SLC9A1: variants seen among roughly 807,000 people sequenced by gnomAD.
SLC9A1 encodes the protein solute carrier family 9 member A1.
Under a neutral mutation model 67.9 loss-of-function variants are expected in SLC9A1, and 22 were observed. The observed-to-expected ratio is 0.32, with a 90% CI of 0.23 to 0.46. The LOEUF is 0.46. Among genes scored for constraint, SLC9A1 ranks in the 20% least tolerant of loss-of-function variants. The probability of loss-of-function intolerance (pLI) is 1.00; values close to 1 mark genes in which losing one functional copy is unlikely to be tolerated. For synonymous variants in SLC9A1, 421 were observed against 471.8 expected, an observed-to-expected ratio of 0.89 and a Z score of 1.40; for missense variants, 686 against 1,094.8, an observed-to-expected ratio of 0.63 and a Z score of 5.27.
chr1:27,138,611 G>A (rs1179424361), intron 1 of SLC9A1, among the ~76,000 whole-genome samples: 1 of 152,124 alleles, frequency 6.6e-6, no homozygotes, highest in African/African-American at 2.4e-5. Flanking sequence ...TCTAGGGCCT[G>A]AAGGAGAGCA....
At chr1:27,120,064 C>T (rs994798581) in intron 1 of SLC9A1, among the ~76,000 whole-genome samples, 1 of 151,546 alleles carries the variant, frequency 6.6e-6, no homozygotes, top group Non-Finnish European at 1.5e-5. Context: ...GAGCAAGACT[C>T]CACCTCAAAA....
rs2083143765 is a variant in SLC9A1, at chr1:27,101,407, G to A, written c.2038-132C>T. On this transcript the variant is annotated intron_variant, in intron 10 of 11. Coordinates refer to ENST00000263980, the MANE Select transcript of SLC9A1 (RefSeq NM_003047.5). This position sits in a 1 kb window ranked among gnomAD's most constrained non-coding sequence, Gnocchi z 4.9. ...TGCTCCCCCTCCCTTGTGCCTGTGT[G>A]GGCACCCGTACTGGCCCCTCAGGAG... The A allele has an allele frequency of 4.2e-6, 3 of 712,882 alleles. No homozygotes were observed. Among genetic ancestry groups the A allele is most frequent in the Non-Finnish European group, 7.3e-6 (3 of 412,492 alleles). The allele number at this position is 712,882 out of a possible 1,614,324, so 44.2% of individuals were successfully genotyped here. A position where few individuals can be genotyped will look rare whatever the true frequency, so the allele number is the denominator to read the frequency against.
rs1438657483 is a variant in SLC9A1, at chr1:27,137,879, C to A, written c.352+16104G>T. Among the ~76,000 whole-genome samples the A allele has an allele frequency of 6.6e-6, 1 of 152,208 alleles. No individual in the cohort carries two copies. The highest frequency in any genetic ancestry group is 1.5e-5 in the Non-Finnish European group (1 of 68,032). ...TGACTCCACGCCCACTCTGCTCCAG[C>A]GTCCTGCTCGCCCCTCCCTGCTAGC... On this transcript the variant is annotated intron_variant, in intron 1 of 11. Transcript: ENST00000263980. This position sits in a 1 kb window ranked among gnomAD's most constrained non-coding sequence, Gnocchi z 4.6.
rs1017720574 is a variant in SLC9A1, at chr1:27,101,313, G to A, written c.2038-38C>T. The A allele has an allele frequency of 4.5e-6, 7 of 1,550,522 alleles. No homozygotes were observed. Among genetic ancestry groups the A allele is most frequent in the Non-Finnish European group, 5.3e-6 (6 of 1,126,446 alleles). The stretch of plus-strand genomic sequence containing the variant: ...ACAGACGGGGTGAGCACAGGCAGCT[G>A]GGCAGAGGGAGCCCCTCAGGACAGA... On this transcript the variant is annotated intron_variant, in intron 10 of 11. Transcript: ENST00000263980. This position sits in a 1 kb window ranked among gnomAD's most constrained non-coding sequence, Gnocchi z 4.9.
chr1:27,127,605 A>G (rs2083354416), intron 1 of SLC9A1, among the ~76,000 whole-genome samples: 1 of 152,220 alleles, frequency 6.6e-6, no homozygotes, highest in Non-Finnish European at 1.5e-5. Flanking sequence ...AGGCAGAGCC[A>G]CTGGAGGGCT....
chr1:27,114,581 A>T lies in SLC9A1; in HGVS notation c.353-295T>A, dbSNP rs2083253251. ...CTGTCATAAAATGTTAGAAAGCAGC[A>T]GTTCTATATGCTTCCAGAAGGCAGA... On this transcript the variant is annotated intron_variant, in intron 1 of 11. Coordinates refer to ENST00000263980, the MANE Select transcript of SLC9A1 (RefSeq NM_003047.5). The surrounding 1 kb of genome is among the most constrained non-coding windows in gnomAD (Gnocchi z 5.4). 6.6e-6 allele frequency among the ~76,000 whole-genome samples: 1 copy of T among 152,250 alleles called. No individual in the cohort carries two copies. The highest frequency in any genetic ancestry group is 1.5e-5 in the Non-Finnish European group (1 of 68,050).
intron 1 of SLC9A1, among the ~76,000 whole-genome samples, chr1:27,126,399 C>T (rs1420440366): frequency 2.0e-5 from 3 of 152,154 alleles, no homozygotes; most frequent in Non-Finnish European, 4.4e-5. Flanking sequence ...CATGAGACCA[C>T]AAACACAAAA....
intron 1 of SLC9A1, among the ~76,000 whole-genome samples, chr1:27,143,494 A>G (rs114589657): frequency 0.025 from 3,775 of 152,256 alleles, 157 homozygotes; most frequent in African/African-American, 0.084. Flanking sequence ...CGTGATCTGT[A>G]CTTGTACAAA....
At chr1:27,136,770 T>A (rs1308241287) in intron 1 of SLC9A1, among the ~76,000 whole-genome samples, 1 of 152,152 alleles carries the variant, frequency 6.6e-6, no homozygotes, top group African/African-American at 2.4e-5. Flanking sequence ...TAATTATCCA[T>A]GGAAGGAGGA....
In SLC9A1 at chr1:27,154,884, G is replaced by C. The variant is rs1244161217; in HGVS notation, c.-550C>G. 6.6e-6 allele frequency: 1 copy of C among 152,656 alleles called. No individual in the cohort carries two copies. Among genetic ancestry groups the C allele is most frequent in the Non-Finnish European group, 1.5e-5 (1 of 68,354 alleles). The allele number at this position is 152,656 out of a possible 1,614,324, so 9.5% of individuals were successfully genotyped here. On this transcript the variant is annotated 5_prime_UTR_variant, in exon 1 of 12. Coordinates refer to ENST00000263980, the MANE Select transcript of SLC9A1 (RefSeq NM_003047.5). ...AAGCGGCCGGGAGCTTCTCCACCCAGAGAGGGGCAGGGGTCCAGGCGCGCC... is the reference window on the plus strand; with the variant it reads ...AAGCGGCCGGGAGCTTCTCCACCCACAGAGGGGCAGGGGTCCAGGCGCGCC...
intron 1 of SLC9A1, among the ~76,000 whole-genome samples, chr1:27,122,270 A>G (rs1416108536): frequency 6.6e-6 from 1 of 152,116 alleles, no homozygotes; most frequent in Non-Finnish European, 1.5e-5. Flanking sequence ...CTGGCATCCC[A>G]GCACACAGCT....
At position 27,114,161 on chromosome 1, in the gene SLC9A1, C is replaced by T. The variant is rs1315180245; in HGVS notation, c.478G>A (p.Val160Ile). 5.6e-6 allele frequency: 9 copies of T among 1,614,052 alleles called. No homozygotes were observed. Among genetic ancestry groups the T allele is most frequent in the South Asian group, 3.3e-5 (3 of 91,088 alleles). ...GGCGGCAGCAGGAAGAGGAAGAAGA[C>T]GTCGGACTGCAGGAAGGGGGGTGTC... Reference protein sequence around the residue: ...GETPPFLQSDVFFLFLLPPII... With the variant: ...GETPPFLQSDIFFLFLLPPII... Residue 160 changes from valine (V) to isoleucine (I), a missense_variant, in exon 2 of 12, where the codon GTC becomes ATC. Val to Ile is a conservative substitution (Grantham distance 29). Transcript: ENST00000263980. The surrounding 1 kb of genome is among the most constrained non-coding windows in gnomAD (Gnocchi z 5.4).
intron 1 of SLC9A1, among the ~76,000 whole-genome samples, chr1:27,147,995 C>CA (rs376077372): frequency 1.4e-3 from 194 of 142,306 alleles, no homozygotes; most frequent in African/African-American, 2.8e-3. Context: ...ACTCTTGTAT[C>CA]AAAAAAAAAA....
intron 1 of SLC9A1, among the ~76,000 whole-genome samples, chr1:27,132,613 T>C (rs1287669814): frequency 2.0e-5 from 3 of 152,164 alleles, no homozygotes; most frequent in East Asian, 1.9e-4. Flanking sequence ...GAGCCTAGCA[T>C]AGGACCAGAC....
rs148578867 is a variant in SLC9A1, at chr1:27,100,358, G to C, written c.2397C>G (p.Gly799=). 59 of 1,566,132 alleles carry C rather than the reference G, an allele frequency of 3.8e-5. No individual in the cohort carries two copies. In the Admixed American group the frequency reaches 4.1e-4, roughly 11 times the overall value. The change falls in exon 12 of 12, where the codon GGC becomes GGG. Residue 799 remains glycine, a synonymous_variant. Coordinates refer to ENST00000263980, the MANE Select transcript of SLC9A1 (RefSeq NM_003047.5). This position sits in a 1 kb window ranked among gnomAD's most constrained non-coding sequence, Gnocchi z 5.6. ...CTCCCTCCCCAGGCTCAGGGTGTGG[G>C]CCTGGGTCACTGAGGCAGCGCTGTA... is the stretch of plus-strand genomic sequence containing the variant. ...QRIQRCLSDP[G]PHPEPGEGEP...
chr1:27,122,323 G>A, intron 1 of SLC9A1, among the ~76,000 whole-genome samples: 1 of 152,174 alleles, frequency 6.6e-6, no homozygotes, highest in East Asian at 1.9e-4. Flanking sequence ...CGGGTTAAGG[G>A]AATGATGAAC....
At chr1:27,142,015 A>T (rs1006585332) in intron 1 of SLC9A1, among the ~76,000 whole-genome samples, 1 of 152,190 alleles carries the variant, frequency 6.6e-6, no homozygotes, top group African/African-American at 2.4e-5. Context: ...AGGTCCCAAG[A>T]CCTGTACTTG....
chr1:27,134,902 A>G (rs1251697366), intron 1 of SLC9A1, among the ~76,000 whole-genome samples: 1 of 150,846 alleles, frequency 6.6e-6, no homozygotes, highest in East Asian at 2.0e-4. Flanking sequence ...ATGCCCAGTT[A>G]ATTTTTGTAT....
In SLC9A1 at chr1:27,102,181, G is replaced by A. The variant is rs780763775; in HGVS notation, c.1821-51C>T. ...TCCCCAAGATTCTTGGGATCCTGGT[G>A]CCTCCCAGGTTTGGCCAGAAGGAAG... is the stretch of plus-strand genomic sequence containing the variant. On this transcript the variant is annotated intron_variant, in intron 8 of 11. Transcript: ENST00000263980. 2.7e-6 allele frequency: 4 copies of A among 1,508,162 alleles called. No individual in the cohort carries two copies. The African/African-American group carries it at 4.1e-5, about 16-fold the overall frequency. 93.4% of individuals were successfully genotyped at this position (1,508,162 alleles called of 1,614,324 possible). A position where few individuals can be genotyped will look rare whatever the true frequency, so the allele number is the denominator to read the frequency against.
Sources: gnomAD v4.1 joint callset for allele counts (sites outside exome capture counted in the v4.1 genomes callset) on GRCh38, gnomAD v4.1.1 for gene constraint, Gnocchi (gnomAD v3.1) non-coding constraint, MANE v1.5 for transcripts, NCBI Gene and HGNC (gene_info 2026-07-23, HGNC 2026-07-21) for gene names.